The following EXOC6B variants were observed in gnomAD, a reference collection of about 807,000 sequenced individuals.
EXOC6B encodes the protein exocyst complex component 6B.
Under a neutral mutation model 113.5 loss-of-function variants are expected in EXOC6B, and 54 were observed. The ratio of observed to expected loss-of-function variants is 0.48; its 90% CI spans 0.38 to 0.60. EXOC6B has a LOEUF of 0.60. Ranked by LOEUF, EXOC6B falls within the 20% of genes least tolerant of loss-of-function variation. The pLI, the probability that EXOC6B is intolerant of heterozygous loss-of-function variation, is 0.00. For synonymous variants in EXOC6B, 357 were observed against 339.0 expected (o/e 1.05, Z -0.58); for missense variants, 797 against 977.5 (o/e 0.82, Z 2.46).
Position 72,481,330 on chromosome 2 carries a change from C to T in EXOC6B, c.1666-580G>A, listed in dbSNP as rs185814836. Among the ~76,000 whole-genome samples, 61 of 152,296 alleles carry T rather than the reference C, an allele frequency of 4.0e-4. No individual in the cohort carries two copies. In the East Asian group the frequency reaches 0.012, roughly 29 times the overall value. ...AGCATTCCAAAACATTTTGTATTCC[C>T]CCATATTATGGGAACACTTATCACT... On this transcript the variant is annotated intron_variant, in intron 16 of 21. Coordinates refer to ENST00000272427, the MANE Select transcript of EXOC6B (RefSeq NM_015189.3).
chr2:72,388,447 G>T (rs755006025), intron 18 of EXOC6B, among the ~76,000 whole-genome samples: 2 of 151,854 alleles, frequency 1.3e-5, no homozygotes, highest in African/African-American at 4.8e-5. Flanking sequence ...ATTTACTGAC[G>T]CATGTTTTAT....
At chr2:72,301,008 G>C (rs771905301) in intron 20 of EXOC6B, among the ~76,000 whole-genome samples, 25 of 152,098 alleles carry the variant, frequency 1.6e-4, no homozygotes, top group Non-Finnish European at 8.8e-5. Context: ...ATTATTTTGA[G>C]GTATGTTCCT....
At chr2:72,738,149 A>T (rs907706358) in intron 2 of EXOC6B, among the ~76,000 whole-genome samples, 7 of 152,200 alleles carry the variant, frequency 4.6e-5, no homozygotes, top group Non-Finnish European at 7.3e-5. Context: ...CATGCCCTAG[A>T]GGACTCACTC....
chr2:72,699,757 C>T (rs1678173172), intron 6 of EXOC6B, among the ~76,000 whole-genome samples: 1 of 152,120 alleles, frequency 6.6e-6, no homozygotes, highest in Non-Finnish European at 1.5e-5. Flanking sequence ...CCCTCAAATC[C>T]TCTGGCACCA....
chr2:72,410,185 C>T (rs2105217956), intron 18 of EXOC6B, among the ~76,000 whole-genome samples: 1 of 152,306 alleles, frequency 6.6e-6, no homozygotes, highest in South Asian at 2.1e-4. Context: ...GCATATTCTG[C>T]CACTTGCAAC....
chr2:72,811,600 A>G (rs557641586), intron 1 of EXOC6B, among the ~76,000 whole-genome samples: 2 of 152,200 alleles, frequency 1.3e-5, no homozygotes, highest in African/African-American at 4.8e-5. Flanking sequence ...AAAACCAGAC[A>G]TAAGACAATA....
At chr2:72,293,998 A>C (rs542931481) in intron 20 of EXOC6B, among the ~76,000 whole-genome samples, 2 of 152,152 alleles carry the variant, frequency 1.3e-5, no homozygotes, top group East Asian at 3.9e-4. Context: ...AAAAGTAAAA[A>C]CTGCATTGCA....
At chr2:72,517,439 C>T (rs1701273896) in intron 8 of EXOC6B, among the ~76,000 whole-genome samples, 1 of 152,108 alleles carries the variant, frequency 6.6e-6, no homozygotes. Flanking sequence ...TAACTGTATA[C>T]ACCCGAGTTT....
At chr2:72,559,908 A>G (rs1042418172) in intron 7 of EXOC6B, among the ~76,000 whole-genome samples, 2 of 152,236 alleles carry the variant, frequency 1.3e-5, no homozygotes, top group African/African-American at 4.8e-5. Context: ...TGTACATAAA[A>G]AACTAAGTTT....
chr2:72,203,168 C>A (rs1679598566), intron 20 of EXOC6B, among the ~76,000 whole-genome samples: 1 of 152,212 alleles, frequency 6.6e-6, no homozygotes, highest in Non-Finnish European at 1.5e-5. Flanking sequence ...TTCACACTTG[C>A]TGTTCTGATT....
chr2:72,713,327 C>A (rs1285950330), intron 6 of EXOC6B, among the ~76,000 whole-genome samples: 3 of 152,094 alleles, frequency 2.0e-5, no homozygotes, highest in Non-Finnish European at 4.4e-5. Context: ...ACTTTCAAGT[C>A]TGTTTTCTCA....
intron 6 of EXOC6B, among the ~76,000 whole-genome samples, chr2:72,671,613 G>T (rs1046490942): frequency 6.6e-6 from 1 of 151,924 alleles, no homozygotes; most frequent in East Asian, 1.9e-4. Context: ...CAGAAGAATC[G>T]CTTGAACCCG....
At chr2:72,311,028 C>T (rs1460246923) in intron 20 of EXOC6B, among the ~76,000 whole-genome samples, 1 of 152,158 alleles carries the variant, frequency 6.6e-6, no homozygotes, top group Non-Finnish European at 1.5e-5. Context: ...ACAGACCACA[C>T]TCTTTTCCTC....
At chr2:72,183,366 C>T (rs769237574) in intron 21 of EXOC6B, among the ~76,000 whole-genome samples, 2 of 152,218 alleles carry the variant, frequency 1.3e-5, no homozygotes, top group Non-Finnish European at 2.9e-5. Flanking sequence ...GGCTGTAATA[C>T]ATAGCATTTC....
At chr2:72,220,713 A>C (rs2104424302) in intron 20 of EXOC6B, among the ~76,000 whole-genome samples, 1 of 152,318 alleles carries the variant, frequency 6.6e-6, no homozygotes, top group East Asian at 1.9e-4. Flanking sequence ...TAAGAAAAAA[A>C]ATCTCTAAAG....
chr2:72,237,891 C>CT lies in EXOC6B; in HGVS notation c.2197-53705dup, dbSNP rs543176501. Among the ~76,000 whole-genome samples, 74 of 145,508 alleles carry CT rather than the reference C, an allele frequency of 5.1e-4. 1 individual carries two copies. Among genetic ancestry groups the CT allele is most frequent in the Middle Eastern group, 3.5e-3 (1 of 282 alleles). ...ACTTTTGGACTTAGGGAAGCATTTGCTTTTTTTTTTTAACAGCTTAGTTAA... is the reference window on the plus strand; with the variant it reads ...ACTTTTGGACTTAGGGAAGCATTTGCTTTTTTTTTTTTAACAGCTTAGTTAA... On this transcript the variant is annotated intron_variant, in intron 20 of 21. Coordinates refer to ENST00000272427, the MANE Select transcript of EXOC6B (RefSeq NM_015189.3).
At chr2:72,540,560 C>G (rs1011997915) in intron 8 of EXOC6B, among the ~76,000 whole-genome samples, 3 of 152,130 alleles carry the variant, frequency 2.0e-5, no homozygotes, top group African/African-American at 7.2e-5. Context: ...TACATAACCA[C>G]AGAATAAAAT....
intron 7 of EXOC6B, among the ~76,000 whole-genome samples, chr2:72,564,821 A>C (rs1164385562): frequency 6.6e-6 from 1 of 152,196 alleles, no homozygotes; most frequent in African/African-American, 2.4e-5. Context: ...GCATATAAGA[A>C]TACTGTGGCC....
chr2:72,640,355 T>TA (rs1673138482), intron 6 of EXOC6B, among the ~76,000 whole-genome samples: 1 of 151,992 alleles, frequency 6.6e-6, no homozygotes, highest in African/African-American at 2.4e-5. Context: ...CTCTAAGAAA[T>TA]ACGGGATTAT....
Sources: gnomAD v4.1 joint callset for allele counts (sites outside exome capture counted in the v4.1 genomes callset) on GRCh38, gnomAD v4.1.1 for gene constraint, MANE v1.5 for transcripts, NCBI Gene and HGNC (gene_info 2026-07-23, HGNC 2026-07-21) for gene names.